Variants in IL33 observed in about 807,000 individuals in gnomAD.
IL33 encodes the protein interleukin 33.
In IL33, 37 loss-of-function variants were observed where a neutral mutation model predicts 27.3. That is an observed-to-expected ratio of 1.36 (90% CI 1.04 to 1.78). The LOEUF is 1.78. Among genes scored for constraint, IL33 ranks in the 40% most tolerant of loss-of-function variants. The probability of loss-of-function intolerance (pLI) is 0.00; values close to 1 mark genes in which losing one functional copy is unlikely to be tolerated. For missense variants in IL33, 406 were observed against 311.4 expected (o/e 1.30, Z -2.29); for synonymous variants, 132 against 102.9 (o/e 1.28, Z -1.71).
chr9:6,254,584 T>C, intron 7 of IL33, 31 bp downstream of exon 7: 1 of 1,303,768 alleles, frequency 7.7e-7, no homozygotes, highest in Non-Finnish European at 1.0e-6. Context: ...TATATCTATA[T>C]ATATGATTAC....
At chr9:6,216,779 A>G (rs113897369) in intron 1 of IL33, among the ~76,000 whole-genome samples, 2,975 of 152,276 alleles carry the variant, frequency 0.02, 87 homozygotes, top group African/African-American at 0.067. Context: ...TTGAATAAAA[A>G]ATAGCTTCAC....
At position 6,254,475 on chromosome 9, in the gene IL33, T is replaced by C; in HGVS notation, c.534T>C (p.Asp178=). The change falls in exon 7 of 8, where the codon GAT becomes GAC. Residue 178 remains aspartate, a synonymous_variant. Coordinates refer to ENST00000682010, the MANE Select transcript of IL33 (RefSeq NM_033439.4). ...HPSNESGDGV[D]GKMLMVTLSP... Reference sequence around the variant, plus strand: ...CTTAATTGTAAGGTGACGGTGTTGATGGTAAGATGTTAATGGTAACCCTGA... The same window carrying C: ...CTTAATTGTAAGGTGACGGTGTTGACGGTAAGATGTTAATGGTAACCCTGA... 2.5e-6 allele frequency: 4 copies of C among 1,584,614 alleles called. No homozygotes were observed. Among genetic ancestry groups the C allele is most frequent in the Non-Finnish European group, 3.4e-6 (4 of 1,162,462 alleles).
rs367785484 is a variant in IL33 at position 6,250,619 on chromosome 9, C to A, written c.217+20C>A. On this transcript the variant is annotated intron_variant, in intron 3 of 7. Transcript: ENST00000682010. ...AAACAGGTAAGGGGAACCGTACATT[C>A]TCTGGCAATAGTGATAAGTATCTGT... The A allele has an allele frequency of 6.2e-7, 1 of 1,607,150 alleles. No individual in the cohort carries two copies. Among genetic ancestry groups the A allele is most frequent in the Admixed American group, 1.7e-5 (1 of 58,164 alleles).
At chr9:6,248,240 CTTTTTTT>C (rs1179234471) in intron 2 of IL33, among the ~76,000 whole-genome samples, 4 of 84,888 alleles carry the variant, frequency 4.7e-5, no homozygotes, top group Admixed American at 2.9e-4. Context: ...CTTTTCTTTT[CTTTTTTT>C]TTTTTTTTTT....
At chr9:6,231,174 C>T (rs921219615) in intron 1 of IL33, among the ~76,000 whole-genome samples, 1 of 152,176 alleles carries the variant, frequency 6.6e-6, no homozygotes, top group Non-Finnish European at 1.5e-5. Context: ...ATAGTCACAG[C>T]ACTAGTTTAA....
At chr9:6,222,394 C>A (rs1350215690) in intron 1 of IL33, among the ~76,000 whole-genome samples, 8 of 152,188 alleles carry the variant, frequency 5.3e-5, no homozygotes. Flanking sequence ...ACCAGCCTTG[C>A]AGCATACCAG....
At chr9:6,215,790 T>C (rs377371268), upstream of IL33, 1 of 152,114 alleles carries the variant, frequency 6.6e-6, no homozygotes, top group East Asian at 1.9e-4. Flanking sequence ...AAAAAGAGTC[T>C]ACAGACTCCT....
chr9:6,225,339 T>A (rs903504158), intron 1 of IL33, among the ~76,000 whole-genome samples: 1 of 152,166 alleles, frequency 6.6e-6, no homozygotes, highest in African/African-American at 2.4e-5. Context: ...TTATTTTTCT[T>A]TGTTGTTGCT....
chr9:6,255,501 A>G (rs960483466), intron 7 of IL33, among the ~76,000 whole-genome samples: 2 of 152,170 alleles, frequency 1.3e-5, no homozygotes, highest in Admixed American at 1.3e-4. Flanking sequence ...GAGTTGTTGT[A>G]TTGGTCAACT....
chr9:6,237,862 T>G (rs1819319970), intron 1 of IL33, among the ~76,000 whole-genome samples: 1 of 152,088 alleles, frequency 6.6e-6, no homozygotes, highest in Non-Finnish European at 1.5e-5. Flanking sequence ...AATGCAGTTT[T>G]TATGTTAGTA....
intron 2 of IL33, among the ~76,000 whole-genome samples, chr9:6,249,921 C>T (rs903373697): frequency 6.6e-6 from 1 of 152,192 alleles, no homozygotes; most frequent in African/African-American, 2.4e-5. Flanking sequence ...CCTTTGTAGA[C>T]TTCAGCAATC....
chr9:6,223,412 A>G (rs949118511), intron 1 of IL33, among the ~76,000 whole-genome samples: 2 of 151,752 alleles, frequency 1.3e-5, no homozygotes, highest in African/African-American at 4.8e-5. Context: ...GTTACTTATA[A>G]GTTTTTAAAA....
intron 6 of IL33, among the ~76,000 whole-genome samples, chr9:6,253,855 TTC>T (rs1306274967): frequency 6.6e-6 from 1 of 152,172 alleles, no homozygotes; most frequent in African/African-American, 2.4e-5. Flanking sequence ...AGATAAAACT[TTC>T]TGTCTTAGCC....
rs1819537567 is a variant in IL33 at position 6,241,701 on chromosome 9, C to G, written c.7C>G (p.Pro3Ala). ...TCCAACAGAATACTGAAAAATGAAG[C>G]CTAAAATGAAGTATTCAACCAACAA... MK[P>A]KMKYSTNKIS... The change falls in exon 2 of 8, where the codon CCT (proline) becomes GCT (alanine). Residue 3 changes from proline (P) to alanine (A), a missense_variant. Coordinates refer to ENST00000682010, the MANE Select transcript of IL33 (RefSeq NM_033439.4). The G allele has an allele frequency of 1.9e-6, 3 of 1,600,618 alleles. No homozygotes were observed. Among genetic ancestry groups the G allele is most frequent in the Non-Finnish European group, 2.6e-6 (3 of 1,171,392 alleles).
chr9:6,248,240 C>CTTTTTTTTTTT (rs1179234471), intron 2 of IL33, among the ~76,000 whole-genome samples: 1 of 84,884 alleles, frequency 1.2e-5, no homozygotes, highest in African/African-American at 4.3e-5. Flanking sequence ...CTTTTCTTTT[C>CTTTTTTTTTTT]TTTTTTTTTT....
chr9:6,220,845 C>T (rs536835093), intron 1 of IL33, among the ~76,000 whole-genome samples: 10 of 152,214 alleles, frequency 6.6e-5, no homozygotes, highest in Non-Finnish European at 1.0e-4. Flanking sequence ...CCTTGACATC[C>T]GGGGCTCAGG....
rs1303685970 is a variant in IL33, at chr9:6,215,852, G to A, written c.-12G>A. 6.6e-6 allele frequency: 1 copy of A among 151,684 alleles called. No homozygotes were observed. The highest frequency in any genetic ancestry group is 1.9e-4 in the East Asian group (1 of 5,176). 9.4% of individuals were successfully genotyped at this position (151,684 alleles called of 1,614,324 possible). A position where few individuals can be genotyped will look rare whatever the true frequency, so the allele number is the denominator to read the frequency against. Reference sequence around the variant, plus strand: ...GGAAGAAATCAAAACAAGATCACAAGGTAAGACTGAATATTCTGGGAGATT... The same window carrying A: ...GGAAGAAATCAAAACAAGATCACAAAGTAAGACTGAATATTCTGGGAGATT... On this transcript the variant is annotated splice_region_variant and 5_prime_UTR_variant, in exon 1 of 8. Coordinates refer to ENST00000682010, the MANE Select transcript of IL33 (RefSeq NM_033439.4).
chr9:6,249,247 T>G (rs1353440693), intron 2 of IL33, among the ~76,000 whole-genome samples: 2 of 152,226 alleles, frequency 1.3e-5, no homozygotes, highest in Non-Finnish European at 2.9e-5. Flanking sequence ...TAATAAAAGC[T>G]TTTCCACTTA....
At position 6,252,363 on chromosome 9, in the gene IL33, C is replaced by G. The variant is rs1313577976; in HGVS notation, c.344-503C>G. On this transcript the variant is annotated intron_variant, in intron 4 of 7. Coordinates refer to ENST00000682010, the MANE Select transcript of IL33 (RefSeq NM_033439.4). Reference sequence around the variant, plus strand: ...TTATCATTTTCTATGGGTATTTTGACACTTTTTAAAAGTTGGGAGCACTGC... The same window carrying G: ...TTATCATTTTCTATGGGTATTTTGAGACTTTTTAAAAGTTGGGAGCACTGC... 2.6e-5 allele frequency among the ~76,000 whole-genome samples: 4 copies of G among 152,222 alleles called. No homozygotes were observed. In the East Asian group the frequency reaches 7.7e-4, roughly 29 times the overall value.
Sources: gnomAD v4.1 joint callset for allele counts (sites outside exome capture counted in the v4.1 genomes callset) on GRCh38, gnomAD v4.1.1 for gene constraint, MANE v1.5 for transcripts, NCBI Gene and HGNC (gene_info 2026-07-23, HGNC 2026-07-21) for gene names.